The following ACYP2 variants were observed in gnomAD, a reference collection of about 807,000 sequenced individuals.
The protein encoded by ACYP2 is acylphosphatase-2.
A neutral mutation model predicts 11.2 loss-of-function variants in ACYP2; 12 were observed. The observed-to-expected ratio is 1.08, with a 90% CI of 0.69 to 1.74. The LOEUF (loss-of-function observed/expected upper bound fraction) is 1.74. ACYP2 is among the 40% of genes most tolerant of loss of function. ACYP2 has a pLI of 0.00. For synonymous variants in ACYP2, 43 were observed against 32.2 expected (o/e 1.33, Z -1.13); for missense variants, 134 against 101.9 (o/e 1.31, Z -1.35).
chr2:54,126,672 G>C (rs1172762195), intron 4 of ACYP2, among the ~76,000 whole-genome samples: 1 of 151,912 alleles, frequency 6.6e-6, no homozygotes, highest in Non-Finnish European at 1.5e-5. Flanking sequence ...TTCTGGCCGG[G>C]TGCAGTGGCT....
At chr2:54,096,702 G>A (rs923301646) in intron 4 of ACYP2, among the ~76,000 whole-genome samples, 5 of 152,186 alleles carry the variant, frequency 3.3e-5, no homozygotes, top group South Asian at 4.1e-4. Flanking sequence ...GTGTGGCGGC[G>A]CGCGCCTGCA....
chr2:54,285,575 C>T (rs1291593689), intron 6 of ACYP2, among the ~76,000 whole-genome samples: 2 of 152,214 alleles, frequency 1.3e-5, no homozygotes, highest in African/African-American at 4.8e-5. Flanking sequence ...CACCCTGTGG[C>T]TAAGACTGCT....
At chr2:54,137,314 T>A (rs1225897316) in intron 5 of ACYP2, among the ~76,000 whole-genome samples, 1 of 152,188 alleles carries the variant, frequency 6.6e-6, no homozygotes, top group African/African-American at 2.4e-5. Context: ...GCGGTACTCA[T>A]ATAGGTTTGT....
chr2:54,255,481 A>G (rs760682062), intron 6 of ACYP2: 152 of 1,613,804 alleles, frequency 9.4e-5, no homozygotes, highest in Non-Finnish European at 1.2e-4. Context: ...CTCCACCTGC[A>G]GGAGCGCCCT....
intron 4 of ACYP2, among the ~76,000 whole-genome samples, chr2:54,114,419 C>T (rs1347111177): frequency 6.7e-6 from 1 of 150,266 alleles, no homozygotes; most frequent in South Asian, 2.1e-4. Flanking sequence ...TGTGGTGGCT[C>T]ACACCTGTAA....
chr2:54,195,188 T>C (rs748459127), intron 6 of ACYP2, among the ~76,000 whole-genome samples: 1 of 152,332 alleles, frequency 6.6e-6, no homozygotes, highest in East Asian at 1.9e-4. Flanking sequence ...ATGTGGTCAC[T>C]GCTATAAAAG....
chr2:54,248,994 G>A (rs1687083361), intron 6 of ACYP2, among the ~76,000 whole-genome samples: 1 of 152,054 alleles, frequency 6.6e-6, no homozygotes, highest in South Asian at 2.1e-4. Context: ...CTGTACATGG[G>A]CTACTTAAGG....
chr2:54,129,701 C>G (rs944673513), intron 4 of ACYP2, among the ~76,000 whole-genome samples: 9 of 149,786 alleles, frequency 6.0e-5, no homozygotes, highest in Non-Finnish European at 1.2e-4. Context: ...TATATTATCA[C>G]TGTGTAAAGT....
intron 6 of ACYP2, among the ~76,000 whole-genome samples, chr2:54,227,136 G>A (rs1243165984): frequency 6.6e-6 from 1 of 152,068 alleles, no homozygotes; most frequent in Admixed American, 6.5e-5. Flanking sequence ...ATCAATATTA[G>A]GATATATATA....
chr2:54,048,648 A>G (rs1397645938), intron 2 of ACYP2, among the ~76,000 whole-genome samples: 1 of 152,230 alleles, frequency 6.6e-6, no homozygotes, highest in Non-Finnish European at 1.5e-5. Context: ...TTACAGGCAC[A>G]TGCCACCATG....
intron 6 of ACYP2, among the ~76,000 whole-genome samples, chr2:54,217,548 T>A (rs1685611082): frequency 1.3e-5 from 2 of 152,002 alleles, no homozygotes; most frequent in South Asian, 4.1e-4. Flanking sequence ...TTTTTGTATT[T>A]TTTTGGTATA....
At chr2:54,050,839 A>G (rs936165903) in intron 2 of ACYP2, 36 of 368,802 alleles carry the variant, frequency 9.8e-5, no homozygotes, top group African/African-American at 1.9e-4. Context: ...CAGTAGCACC[A>G]TCATGGCTCA....
At chr2:54,007,684 C>T (rs1178236446) in intron 2 of ACYP2, among the ~76,000 whole-genome samples, 1 of 152,100 alleles carries the variant, frequency 6.6e-6, no homozygotes, top group Non-Finnish European at 1.5e-5. Context: ...GGCCAACATG[C>T]GGAAACCCTG....
Position 54,079,650 on chromosome 2 carries a change from A to G in ACYP2, c.277+22290A>G, listed in dbSNP as rs534415176. Among the ~76,000 whole-genome samples, 4 of 152,356 alleles carry G rather than the reference A, an allele frequency of 2.6e-5. 1 individual carries two copies. Among genetic ancestry groups the G allele is most frequent in the African/African-American group, 7.2e-5 (3 of 41,582 alleles). On this transcript the variant is annotated intron_variant, in intron 4 of 6. Transcript: ENST00000607452. ...AATCCTTGATGACATTGTTGAGTCC[A>G]TATCAAGTGATTCCCATAAAACCAA...
chr2:54,176,918 C>T (rs1333952531), intron 6 of ACYP2, among the ~76,000 whole-genome samples: 1 of 152,174 alleles, frequency 6.6e-6, no homozygotes, highest in African/African-American at 2.4e-5. Context: ...AACTGCATTA[C>T]AGTTCACCTC....
chr2:54,166,200 G>T (rs769056634), intron 6 of ACYP2, among the ~76,000 whole-genome samples: 36 of 152,158 alleles, frequency 2.4e-4, no homozygotes, highest in Non-Finnish European at 4.4e-4. Context: ...CACCCAGAGG[G>T]CCATGTAGTC....
At chr2:54,302,055 G>A (rs944905412) in intron 6 of ACYP2, among the ~76,000 whole-genome samples, 1 of 152,168 alleles carries the variant, frequency 6.6e-6, no homozygotes, top group Non-Finnish European at 1.5e-5. Context: ...TTTTGGCTGG[G>A]GAAGAAGTCC....
intron 2 of ACYP2, among the ~76,000 whole-genome samples, chr2:54,013,306 TGTGTGTGTG>T (rs1412772893): frequency 1.4e-5 from 2 of 144,382 alleles, no homozygotes; most frequent in African/African-American, 5.2e-5. Flanking sequence ...TGTGTGTGTG[TGTGTGTGTG>T]TTTTGAGACA....
intron 6 of ACYP2, among the ~76,000 whole-genome samples, chr2:54,235,409 C>T (rs945337954): frequency 9.2e-5 from 14 of 152,026 alleles, no homozygotes; most frequent in African/African-American, 2.7e-4. Flanking sequence ...AGTCCAGTGG[C>T]GCAATCTCGG....
Sources: allele counts gnomAD v4.1 joint callset (sites outside exome capture counted in the v4.1 genomes callset), GRCh38; gene constraint gnomAD v4.1.1; transcripts MANE v1.5; gene names NCBI Gene and HGNC (gene_info 2026-07-23, HGNC 2026-07-21).